The following TMEM154 variants were observed in gnomAD, a reference collection of about 807,000 sequenced individuals.
TMEM154 encodes the protein transmembrane protein 154.
A neutral mutation model predicts 24.5 loss-of-function variants in TMEM154; 27 were observed. That is an observed-to-expected ratio of 1.10 (90% CI 0.81 to 1.52). The LOEUF is 1.52. Among genes scored for constraint, TMEM154 ranks in the 40% most tolerant of loss-of-function variants. The pLI, the probability that TMEM154 is intolerant of heterozygous loss-of-function variation, is 0.00. For missense variants in TMEM154, 228 were observed against 213.4 expected (o/e 1.07, Z -0.43); for synonymous variants, 67 against 76.8 (o/e 0.87, Z 0.67).
At position 152,652,661 on chromosome 4, in the gene TMEM154, A is replaced by C. The variant is rs1237428981; in HGVS notation, c.325+6T>G. The stretch of plus-strand genomic sequence containing the variant: ...TTCTGGAAATGGAAATACACCAAAT[A>C]TTTACCTTGTTTAGTTCTTTTTCTT... On this transcript the variant is annotated splice_donor_region_variant and intron_variant, in intron 2 of 6. Coordinates refer to ENST00000304385, the MANE Select transcript of TMEM154 (RefSeq NM_152680.3). 3 of 1,613,378 alleles carry C rather than the reference A, an allele frequency of 1.9e-6. No homozygotes were observed. The highest frequency in any genetic ancestry group is 2.5e-6 in the Non-Finnish European group (3 of 1,179,794).
intron 1 of TMEM154, among the ~76,000 whole-genome samples, chr4:152,667,421 GTTTT>G (rs33962560): frequency 1.3e-5 from 2 of 149,868 alleles, no homozygotes; most frequent in Non-Finnish European, 1.5e-5. Context: ...CATGTTTATA[GTTTT>G]TTTTTTGTCA....
intron 1 of TMEM154, among the ~76,000 whole-genome samples, chr4:152,676,338 T>C (rs1255903762): frequency 6.6e-6 from 1 of 152,154 alleles, no homozygotes; most frequent in Non-Finnish European, 1.5e-5. Context: ...ACAACCACAG[T>C]TTTCTAAACC....
chr4:152,637,269 G>A (rs1752167291), intron 6 of TMEM154, among the ~76,000 whole-genome samples: 1 of 152,214 alleles, frequency 6.6e-6, no homozygotes, highest in African/African-American at 2.4e-5. Flanking sequence ...GCTACTGCCG[G>A]GTGCGGTGTC....
At chr4:152,631,623 G>A (rs1752044781) in intron 6 of TMEM154, among the ~76,000 whole-genome samples, 1 of 151,638 alleles carries the variant, frequency 6.6e-6, no homozygotes, top group Admixed American at 6.6e-5. Context: ...TGGAGACAGG[G>A]TCATGCCATG....
chr4:152,665,919 G>C (rs527609156), intron 1 of TMEM154, among the ~76,000 whole-genome samples: 137 of 151,854 alleles, frequency 9.0e-4, no homozygotes, highest in African/African-American at 3.2e-3. Context: ...CACCAAGTAG[G>C]TGGGACTACA....
chr4:152,638,470 G>A (rs542998351), intron 6 of TMEM154, among the ~76,000 whole-genome samples: 114 of 152,294 alleles, frequency 7.5e-4, no homozygotes, highest in African/African-American at 2.6e-3. Flanking sequence ...TCGCCCACCA[G>A]TATTGATGTG....
chr4:152,630,176 G>C (rs1752008072), intron 6 of TMEM154, among the ~76,000 whole-genome samples: 1 of 151,876 alleles, frequency 6.6e-6, no homozygotes, highest in African/African-American at 2.4e-5. Flanking sequence ...GCCAAGTGTG[G>C]TGGTGCACAC....
intron 6 of TMEM154, among the ~76,000 whole-genome samples, chr4:152,632,294 G>A (rs1420809309): frequency 6.6e-6 from 1 of 152,062 alleles, no homozygotes; most frequent in Non-Finnish European, 1.5e-5. Context: ...CCCCCCAAAT[G>A]TTAGTCAGTT....
intron 6 of TMEM154, among the ~76,000 whole-genome samples, chr4:152,632,001 G>T (rs1435217449): frequency 6.6e-6 from 1 of 151,262 alleles, no homozygotes; most frequent in Non-Finnish European, 1.5e-5. Flanking sequence ...TAGAGGTGGG[G>T]TTTCACCATG....
intron 1 of TMEM154, among the ~76,000 whole-genome samples, chr4:152,672,444 C>T (rs1459823224): frequency 1.3e-5 from 2 of 152,174 alleles, no homozygotes; most frequent in Non-Finnish European, 2.9e-5. Context: ...GAGCTGCAAT[C>T]ACTGATTAAT....
intron 1 of TMEM154, chr4:152,669,798 CAT>C (rs1728790085): frequency 6.6e-6 from 1 of 152,256 alleles, no homozygotes; most frequent in East Asian, 1.9e-4. Context: ...TCATATGAAA[CAT>C]AGAAAAAATT....
intron 6 of TMEM154, among the ~76,000 whole-genome samples, chr4:152,635,059 G>A (rs1169747464): frequency 1.3e-5 from 2 of 152,104 alleles, no homozygotes; most frequent in Non-Finnish European, 2.9e-5. Context: ...AAGAAAAGAG[G>A]AAAGCAGCCT....
Position 152,679,892 on chromosome 4 carries a change from G to T in TMEM154, c.42C>A (p.Ile14=). The change falls in exon 1 of 7, where the codon ATC becomes ATA. Residue 14 remains isoleucine, a synonymous_variant. Coordinates refer to ENST00000304385, the MANE Select transcript of TMEM154 (RefSeq NM_152680.3). The part of the protein sequence containing the change: ...PRAALVFALV[I]ALVPVGRGNY... Reference sequence around the variant, plus strand: ...TACCCCGGCCGACGGGAACGAGCGCGATCACCAGGGCGAAGACTAGGGCTG... The same window carrying T: ...TACCCCGGCCGACGGGAACGAGCGCTATCACCAGGGCGAAGACTAGGGCTG... 6.2e-7 allele frequency: 1 copy of T among 1,610,712 alleles called. No individual in the cohort carries two copies.
intron 1 of TMEM154, among the ~76,000 whole-genome samples, chr4:152,678,919 C>T (rs763294288): frequency 5.3e-5 from 8 of 152,198 alleles, no homozygotes; most frequent in Non-Finnish European, 5.9e-5. Context: ...AGGAAGTTGT[C>T]ACATCTGTTA....
intron 1 of TMEM154, among the ~76,000 whole-genome samples, chr4:152,660,384 CT>C (rs991862772): frequency 9.9e-5 from 15 of 151,702 alleles, no homozygotes; most frequent in African/African-American, 2.7e-4. Context: ...CCGCCCCCCC[CT>C]CACTTTACTT....
chr4:152,640,409 A>C (rs1752233515), intron 6 of TMEM154, among the ~76,000 whole-genome samples: 1 of 152,220 alleles, frequency 6.6e-6, no homozygotes. Context: ...AATATAATTT[A>C]AAATGAGATT....
chr4:152,633,565 C>A (rs1248293264), intron 6 of TMEM154, among the ~76,000 whole-genome samples: 2 of 152,190 alleles, frequency 1.3e-5, no homozygotes, highest in Non-Finnish European at 2.9e-5. Flanking sequence ...TGCAACACAT[C>A]AAATAAGTGA....
intron 1 of TMEM154, among the ~76,000 whole-genome samples, chr4:152,659,881 A>T (rs1368651238): frequency 3.9e-5 from 6 of 152,232 alleles, no homozygotes; most frequent in Admixed American, 1.3e-4. Flanking sequence ...AACTAGTAAT[A>T]AAATAGAACA....
intron 6 of TMEM154, among the ~76,000 whole-genome samples, chr4:152,631,172 C>A (rs1264613133): frequency 2.6e-5 from 4 of 152,046 alleles, no homozygotes; most frequent in African/African-American, 9.7e-5. Flanking sequence ...TCAAATTATC[C>A]CCCTTTCCTA....
Sources: gnomAD v4.1 joint callset for allele counts (sites outside exome capture counted in the v4.1 genomes callset) on GRCh38, gnomAD v4.1.1 for gene constraint, MANE v1.5 for transcripts, NCBI Gene and HGNC (gene_info 2026-07-23, HGNC 2026-07-21) for gene names.